The following FUT9 variants were observed in gnomAD, a reference collection of about 807,000 sequenced individuals.
FUT9 encodes fucosyltransferase 9, also known as 4-galactosyl-N-acetylglucosaminide 3-alpha-L-fucosyltransferase 9.
FUT9 carries 15 observed loss-of-function variants against 29.7 expected under a neutral mutation model. That is an observed-to-expected ratio of 0.51 (90% CI 0.34 to 0.78). The LOEUF (loss-of-function observed/expected upper bound fraction) is 0.78. Ranked by LOEUF, FUT9 falls within the 30% of genes least tolerant of loss-of-function variation. The pLI is 0.01. For synonymous variants in FUT9, 169 were observed against 153.7 expected (o/e 1.10, Z -0.74); for missense variants, 319 against 425.4 (o/e 0.75, Z 2.20).
chr6:96,124,309 G>C (rs1373792930), intron 2 of FUT9, among the ~76,000 whole-genome samples: 1 of 151,284 alleles, frequency 6.6e-6, no homozygotes, highest in Non-Finnish European at 1.5e-5. Context: ...CTGCCACCAC[G>C]ACCGGCTAAT....
At chr6:96,191,707 G>C (rs903587597) in intron 2 of FUT9, among the ~76,000 whole-genome samples, 18 of 152,162 alleles carry the variant, frequency 1.2e-4, no homozygotes, top group Non-Finnish European at 1.8e-4. Flanking sequence ...TAGAAAAAGA[G>C]GGAATCCTCC....
chr6:96,168,966 G>T (rs1220750355), intron 2 of FUT9, among the ~76,000 whole-genome samples: 1 of 152,174 alleles, frequency 6.6e-6, no homozygotes, highest in Non-Finnish European at 1.5e-5. Context: ...CATGGCATAT[G>T]GGTACAGATG....
intron 2 of FUT9, among the ~76,000 whole-genome samples, chr6:96,154,020 TAGC>T (rs1298057932): frequency 2.0e-5 from 3 of 152,236 alleles, no homozygotes; most frequent in Non-Finnish European, 4.4e-5. Context: ...AACCTCATTT[TAGC>T]AGTAGTTTTC....
chr6:96,096,398 G>T (rs2127955350), intron 1 of FUT9, among the ~76,000 whole-genome samples: 1 of 152,170 alleles, frequency 6.6e-6, no homozygotes, highest in Non-Finnish European at 1.5e-5. Context: ...TAGCAGAGTG[G>T]TTATTTTAAA....
At chr6:96,181,994 A>C (rs549010333) in intron 2 of FUT9, among the ~76,000 whole-genome samples, 1 of 152,172 alleles carries the variant, frequency 6.6e-6, no homozygotes, top group South Asian at 2.1e-4. Context: ...TTCTTTAAGG[A>C]ATCTCCACAC....
At chr6:96,191,662 G>A (rs940632009) in intron 2 of FUT9, among the ~76,000 whole-genome samples, 4 of 152,154 alleles carry the variant, frequency 2.6e-5, no homozygotes, top group African/African-American at 4.8e-5. Context: ...ACAAGGAGGA[G>A]CTGGTACCAT....
chr6:96,055,469 A>G (rs1770745635), intron 1 of FUT9, among the ~76,000 whole-genome samples: 1 of 151,438 alleles, frequency 6.6e-6, no homozygotes, highest in Non-Finnish European at 1.5e-5. Flanking sequence ...GATTATATTT[A>G]GTATATGCAA....
chr6:96,113,292 G>A (rs1771845510), intron 1 of FUT9, among the ~76,000 whole-genome samples: 1 of 151,954 alleles, frequency 6.6e-6, no homozygotes. Context: ...AGGCTGGAGT[G>A]CAGTGGTGTG....
At chr6:96,080,781 T>G (rs2127950674) in intron 1 of FUT9, among the ~76,000 whole-genome samples, 1 of 152,056 alleles carries the variant, frequency 6.6e-6, no homozygotes, top group Non-Finnish European at 1.5e-5. Context: ...TATATCTCCT[T>G]ATTTCAAAAT....
At chr6:96,069,469 T>C (rs941932262) in intron 1 of FUT9, among the ~76,000 whole-genome samples, 5 of 152,182 alleles carry the variant, frequency 3.3e-5, no homozygotes, top group African/African-American at 7.2e-5. Flanking sequence ...TTTAAAAATA[T>C]AGTTAATTTA....
Position 96,101,866 on chromosome 6 carries a change from G to A in FUT9, c.-97-12173G>A, listed in dbSNP as rs914995277. On this transcript the variant is annotated intron_variant, in intron 1 of 2. Transcript: ENST00000302103. ...AGACAAGGTCTTGCTATGCTGCACA[G>A]GCTCATATTCTCCCTTTCTACCTGG... is the stretch of plus-strand genomic sequence containing the variant. Among the ~76,000 whole-genome samples, 85 of 150,896 alleles carry A rather than the reference G, an allele frequency of 5.6e-4. 2 individuals are homozygous for A.
intron 2 of FUT9, among the ~76,000 whole-genome samples, chr6:96,119,481 A>G (rs1295509886): frequency 6.6e-6 from 1 of 152,156 alleles, no homozygotes; most frequent in Non-Finnish European, 1.5e-5. Context: ...TTCTCAGAAC[A>G]TATCTCCATC....
At chr6:96,145,588 A>T (rs759861816) in intron 2 of FUT9, among the ~76,000 whole-genome samples, 1 of 152,168 alleles carries the variant, frequency 6.6e-6, no homozygotes, top group African/African-American at 2.4e-5. Context: ...TGGAAGGGTA[A>T]GATTATTTTT....
intron 2 of FUT9, among the ~76,000 whole-genome samples, chr6:96,179,986 A>G (rs971572739): frequency 1.3e-5 from 2 of 152,118 alleles, no homozygotes; most frequent in African/African-American, 4.8e-5. Flanking sequence ...GCTGTAAAAT[A>G]CCACTTTCTT....
At chr6:96,067,647 A>G (rs6571011) in intron 1 of FUT9, among the ~76,000 whole-genome samples, 90,174 of 151,852 alleles carry the variant, frequency 0.59, 26,970 homozygotes, top group African/African-American at 0.65. Context: ...TAAGAGGAAA[A>G]AATGACTCAA....
chr6:96,168,105 G>A (rs1380746276), intron 2 of FUT9, among the ~76,000 whole-genome samples: 1 of 152,120 alleles, frequency 6.6e-6, no homozygotes, highest in African/African-American at 2.4e-5. Flanking sequence ...AGAAACAAGT[G>A]GAGAAGACTG....
intron 1 of FUT9, among the ~76,000 whole-genome samples, chr6:96,082,703 A>G (rs1192983219): frequency 1.3e-5 from 2 of 151,954 alleles, no homozygotes; most frequent in African/African-American, 2.4e-5. Context: ...ATCTTTAAAC[A>G]ATTACATTGA....
At chr6:96,023,105 C>G (rs1211256544) in intron 1 of FUT9, among the ~76,000 whole-genome samples, 1 of 151,862 alleles carries the variant, frequency 6.6e-6, no homozygotes, top group Non-Finnish European at 1.5e-5. Context: ...TTTGGACCAG[C>G]TAATATAGAA....
chr6:96,159,802 CGTTG>C (rs1188465546), intron 2 of FUT9, among the ~76,000 whole-genome samples: 1 of 152,050 alleles, frequency 6.6e-6, no homozygotes, highest in East Asian at 1.9e-4. Context: ...ATTCTAAACA[CGTTG>C]ATTATTTTAG....
Sources: allele counts gnomAD v4.1 joint callset (sites outside exome capture counted in the v4.1 genomes callset), GRCh38; gene constraint gnomAD v4.1.1; transcripts MANE v1.5; gene names NCBI Gene and HGNC (gene_info 2026-07-23, HGNC 2026-07-21).